MTX3: variants seen among roughly 807,000 people sequenced by gnomAD.
MTX3 encodes the protein metaxin-3.
MTX3 carries 27 observed loss-of-function variants against 42.5 expected under a neutral mutation model. The observed-to-expected ratio is 0.64, with a 90% CI of 0.47 to 0.88. The LOEUF is 0.88. Ranked by LOEUF, MTX3 falls within the 40% of genes least tolerant of loss-of-function variation. The probability of loss-of-function intolerance (pLI) is 0.00; values close to 1 mark genes in which losing one functional copy is unlikely to be tolerated. For missense variants in MTX3, 378 were observed against 367.0 expected, an observed-to-expected ratio of 1.03 and a Z score of -0.25; for synonymous variants, 144 against 132.9, an observed-to-expected ratio of 1.08 and a Z score of -0.57.
At chr5:79,989,030 A>T (rs977432770) in intron 4 of MTX3, 122 bp downstream of exon 4, 1 of 626,960 alleles carries the variant, frequency 1.6e-6, no homozygotes, top group Non-Finnish European at 2.7e-6. Flanking sequence ...AATATGAAGG[A>T]ATTAAGATTA....
At position 79,989,221 on chromosome 5, in the gene MTX3, G is replaced by C; in HGVS notation, c.252C>G (p.Leu84=). ...RKQKYNADYE[L]SAKQGADTLA... is the part of the protein sequence containing the mutation. ...ATGTATCTGCCCCTTGTTTTGCTGA[G>C]AGTTCATAATCAGCATTATATTTCT... is the stretch of plus-strand genomic sequence containing the variant. The change falls in exon 4 of 9, where the codon CTC becomes CTG. Residue 84 remains leucine (L), a synonymous_variant. Coordinates refer to ENST00000512528, the MANE Select transcript of MTX3 (RefSeq NM_001363818.2). 1.2e-6 allele frequency: 2 copies of C among 1,602,438 alleles called. No individual in the cohort carries two copies. Among genetic ancestry groups the C allele is most frequent in the Admixed American group, 3.4e-5 (2 of 59,092 alleles).
At position 79,983,093 on chromosome 5, in the gene MTX3, G is replaced by A. The variant is rs1030118083; in HGVS notation, c.*591C>T. 2 of 154,476 alleles carry A rather than the reference G, an allele frequency of 1.3e-5. No individual in the cohort carries two copies. Among genetic ancestry groups the A allele is most frequent in the African/African-American group, 4.8e-5 (2 of 41,560 alleles). The allele number at this position is 154,476 out of a possible 1,614,324, so 9.6% of individuals were successfully genotyped here. A position where few individuals can be genotyped will look rare whatever the true frequency, so the allele number is the denominator to read the frequency against. On this transcript the variant is annotated 3_prime_UTR_variant, in exon 9 of 9. Coordinates refer to ENST00000512528, the MANE Select transcript of MTX3 (RefSeq NM_001363818.2). ...GTAACCACCTTTAATATTTATCTAT[G>A]TGCTACTAAACCCCCAAAAGATTAG...
chr5:79,985,458 C>T (rs887278716), intron 8 of MTX3, 113 bp downstream of exon 8: 1 of 723,308 alleles, frequency 1.4e-6, no homozygotes, highest in Non-Finnish European at 2.4e-6. Context: ...TTCTGAAAAA[C>T]AAACTCTATA....
intron 1 of MTX3, chr5:79,990,945 A>G: frequency 2.8e-6 from 2 of 716,354 alleles, no homozygotes; most frequent in South Asian, 1.5e-5. Flanking sequence ...CAAAACTCGG[A>G]GCCAAGCGGA....
intron 5 of MTX3, 22 bp from the exon 6 acceptor site, chr5:79,988,337 C>A: frequency 6.6e-7 from 1 of 1,520,926 alleles, no homozygotes; most frequent in South Asian, 1.2e-5. Flanking sequence ...GAAATTATAT[C>A]TCAAAAGTAG....
intron 8 of MTX3, 44 bp from the exon 9 acceptor site, chr5:79,983,838 C>T (rs769558568): frequency 9.7e-6 from 13 of 1,340,446 alleles, no homozygotes; most frequent in Middle Eastern, 3.6e-4. Flanking sequence ...GCTGTGGCAC[C>T]GCTTATGTGG....
chr5:79,990,131 A>C, intron 3 of MTX3, 29 bp downstream of exon 3: 1 of 1,461,998 alleles, frequency 6.8e-7, no homozygotes, highest in Non-Finnish European at 9.5e-7. Context: ...ACAATCTACC[A>C]ATCTACTTCT....
intron 1 of MTX3, 39 bp from the exon 2 acceptor site, chr5:79,990,702 G>C: frequency 6.8e-7 from 1 of 1,469,306 alleles, no homozygotes; most frequent in Non-Finnish European, 9.5e-7. Flanking sequence ...TAGACCAAGT[G>C]CGTAATGCAA....
chr5:79,990,958 A>G (rs1448415605), intron 1 of MTX3, 200 bp downstream of exon 1: 2 of 722,322 alleles, frequency 2.8e-6, no homozygotes, highest in Admixed American at 4.0e-5. Context: ...CAAGCGGAGA[A>G]GCCTTGATGT....
intron 1 of MTX3, 131 bp from the exon 2 acceptor site, chr5:79,990,794 A>T: frequency 5.1e-6 from 4 of 778,462 alleles, no homozygotes; most frequent in Non-Finnish European, 6.8e-6. Context: ...CCTCCCCGTG[A>T]TCTCAAGTAG....
At chr5:79,985,776 A>C in intron 7 of MTX3, 117 bp from the exon 8 acceptor site, 1 of 641,806 alleles carries the variant, frequency 1.6e-6, no homozygotes. Context: ...CCCTCCCCAA[A>C]AAAGGCAAAG....
In MTX3 at chr5:79,989,319, G is replaced by A; in HGVS notation, c.229-75C>T. 8.9e-6 allele frequency: 8 copies of A among 903,266 alleles called. 1 individual carries two copies. The South Asian group carries it at 1.1e-4, about 13-fold the overall frequency. 56.0% of individuals were successfully genotyped at this position (903,266 alleles called of 1,614,324 possible). A position where few individuals can be genotyped will look rare whatever the true frequency, so the allele number is the denominator to read the frequency against. ...AAAGACAGTAAAACTAATCAAATCA[G>A]GATTCATATTTTTCCTTACAAATAG... is the stretch of plus-strand genomic sequence containing the variant. On this transcript the variant is annotated intron_variant, in intron 3 of 8. Coordinates refer to ENST00000512528, the MANE Select transcript of MTX3 (RefSeq NM_001363818.2).
chr5:79,989,941 CAA>C (rs1375910190), intron 3 of MTX3, among the ~76,000 whole-genome samples: 8 of 152,140 alleles, frequency 5.3e-5, no homozygotes, highest in African/African-American at 1.4e-4. Flanking sequence ...AAAATTCAAG[CAA>C]AGTTTATTAA....
In MTX3 at chr5:79,980,626, C is replaced by T. The variant is rs970026326; in HGVS notation, c.*3058G>A. The T allele has an allele frequency of 2.6e-5, 4 of 151,732 alleles. No individual in the cohort carries two copies. Among genetic ancestry groups the T allele is most frequent in the Admixed American group, 6.6e-5 (1 of 15,244 alleles). The allele number at this position is 151,732 out of a possible 1,614,324, so 9.4% of individuals were successfully genotyped here. On this transcript the variant is annotated 3_prime_UTR_variant, in exon 9 of 9. Transcript: ENST00000512528. ...TGGTAGTTTGTTCATGGAAGATCTT[C>T]ATCTTATGGGAATTATCTAGTTTTT...
Position 79,978,005 on chromosome 5 carries a change from T to G in MTX3, c.*5679A>C, listed in dbSNP as rs1831291774. The G allele has an allele frequency of 6.6e-6, 1 of 152,196 alleles. No homozygotes were observed. Among genetic ancestry groups the G allele is most frequent in the Admixed American group, 6.5e-5 (1 of 15,280 alleles). 9.4% of individuals were successfully genotyped at this position (152,196 alleles called of 1,614,324 possible). A position where few individuals can be genotyped will look rare whatever the true frequency, so the allele number is the denominator to read the frequency against. On this transcript the variant is annotated 3_prime_UTR_variant, in exon 9 of 9. Transcript: ENST00000512528. ...TGAAACCACCAGTTCAGCAGACCCT[T>G]GTACAGCTGTTCCCGGCCAACTGGG...
chr5:79,983,778 C>A lies in MTX3; in HGVS notation c.845G>T (p.Arg282Leu). 6.2e-7 allele frequency: 1 copy of A among 1,612,498 alleles called. No homozygotes were observed. The highest frequency in any genetic ancestry group is 1.1e-5 in the South Asian group (1 of 91,010). ...NLIEKMDDNLRQSPQLPPRKL... is the reference protein window; with the variant it reads ...NLIEKMDDNLLQSPQLPPRKL... ...CCGAGGAGGAAGCTGAGGGCTTTGG[C>A]GAAGATTGTCATCCATCTGTAGAAA... The change falls in exon 9 of 9, where the codon CGC (arginine) becomes CTC (leucine). Residue 282 changes from arginine (R) to leucine (L), a missense_variant. Coordinates refer to ENST00000512528, the MANE Select transcript of MTX3 (RefSeq NM_001363818.2).
rs1831280961 is a variant in MTX3 at position 79,977,665 on chromosome 5, A to C, written c.*6019T>G. 6.6e-6 allele frequency: 1 copy of C among 152,222 alleles called. No individual in the cohort carries two copies. The highest frequency in any genetic ancestry group is 6.5e-5 in the Admixed American group (1 of 15,282). The allele number at this position is 152,222 out of a possible 1,614,324, so 9.4% of individuals were successfully genotyped here. A position where few individuals can be genotyped will look rare whatever the true frequency, so the allele number is the denominator to read the frequency against. The stretch of plus-strand genomic sequence containing the variant: ...AACATATTTAGCTAACCCTCTCAAA[A>C]TTGCAGGCCTAGTGAGGTTTAAATG... On this transcript the variant is annotated 3_prime_UTR_variant, in exon 9 of 9. Coordinates refer to ENST00000512528, the MANE Select transcript of MTX3 (RefSeq NM_001363818.2).
intron 8 of MTX3, among the ~76,000 whole-genome samples, chr5:79,984,577 T>C (rs1051419440): frequency 6.6e-6 from 1 of 152,008 alleles, no homozygotes; most frequent in African/African-American, 2.4e-5. Context: ...TCAGGCCTCA[T>C]TGCCCTATGA....
chr5:79,978,395 G>T lies in MTX3; in HGVS notation c.*5289C>A, dbSNP rs1831301722. The T allele has an allele frequency of 6.6e-6, 1 of 152,162 alleles. No homozygotes were observed. The highest frequency in any genetic ancestry group is 2.4e-5 in the African/African-American group (1 of 41,396). 9.4% of individuals were successfully genotyped at this position (152,162 alleles called of 1,614,324 possible). ...ACCTGAGGTCAGGAGTTCAAAATCA[G>T]CCTGGTCAACATGGTGAAACCCCAT... On this transcript the variant is annotated 3_prime_UTR_variant, in exon 9 of 9. Coordinates refer to ENST00000512528, the MANE Select transcript of MTX3 (RefSeq NM_001363818.2).
Sources: gnomAD v4.1 joint callset for allele counts (sites outside exome capture counted in the v4.1 genomes callset) on GRCh38, gnomAD v4.1.1 for gene constraint, MANE v1.5 for transcripts, NCBI Gene and HGNC (gene_info 2026-07-23, HGNC 2026-07-21) for gene names.